The following COL23A1 variants were observed in gnomAD, a reference collection of about 807,000 sequenced individuals.
COL23A1 encodes the protein collagen type XXIII alpha 1 chain.
COL23A1 carries 97 observed loss-of-function variants against 99.3 expected under a neutral mutation model. The observed-to-expected ratio is 0.98, with a 90% confidence interval of 0.83 to 1.16. The LOEUF (loss-of-function observed/expected upper bound fraction) is 1.16, where lower values mean the gene tolerates loss of function less well. Ranked by LOEUF, COL23A1 falls within the 50% of genes most tolerant of loss-of-function variation. The pLI is 0.00. For missense variants in COL23A1, 762 were observed against 757.4 expected (o/e 1.01, Z -0.07); for synonymous variants, 320 against 308.2 (o/e 1.04, Z -0.40).
At chr5:178,538,663 C>G (rs967648090) in intron 2 of COL23A1, among the ~76,000 whole-genome samples, 1 of 152,210 alleles carries the variant, frequency 6.6e-6, no homozygotes, top group African/African-American at 2.4e-5. Context: ...TTTGGTATAT[C>G]CCTATTATTA....
intron 2 of COL23A1, among the ~76,000 whole-genome samples, chr5:178,357,202 G>A (rs1208306477): frequency 6.6e-6 from 1 of 152,234 alleles, no homozygotes; most frequent in African/African-American, 2.4e-5. Context: ...AAGTGACCTT[G>A]AGGGCGCCTG....
intron 2 of COL23A1, among the ~76,000 whole-genome samples, chr5:178,475,244 T>C (rs1455967139): frequency 6.6e-6 from 1 of 152,292 alleles, no homozygotes; most frequent in South Asian, 2.1e-4. Context: ...ACATATCTTT[T>C]GGGATATGTT....
At chr5:178,534,079 C>T (rs1314972331) in intron 2 of COL23A1, among the ~76,000 whole-genome samples, 2 of 152,178 alleles carry the variant, frequency 1.3e-5, no homozygotes, top group Admixed American at 6.6e-5. Flanking sequence ...CCAAATTCTG[C>T]ATGCCTTAGG....
At chr5:178,547,732 A>ACACAC (rs1761733508) in intron 2 of COL23A1, among the ~76,000 whole-genome samples, 1 of 674 alleles carries the variant, frequency 1.5e-3, no homozygotes, top group African/African-American at 6.7e-3. Flanking sequence ...CCACACACCC[A>ACACAC]CCCCACACAC....
intron 2 of COL23A1, among the ~76,000 whole-genome samples, chr5:178,407,516 G>T (rs1197482252): frequency 6.6e-6 from 1 of 152,232 alleles, no homozygotes; most frequent in Non-Finnish European, 1.5e-5. Flanking sequence ...TGATGTGACA[G>T]AAATGTTGGA....
intron 2 of COL23A1, among the ~76,000 whole-genome samples, chr5:178,474,254 A>G (rs757194212): frequency 2.0e-5 from 3 of 152,174 alleles, no homozygotes; most frequent in Admixed American, 6.5e-5. Context: ...TTCTCTCATC[A>G]TTGATTTTAA....
Position 178,590,332 on chromosome 5 carries a change from A to G in COL23A1, c.-135T>C. ...GGGGTTAGCCTCCGGGTAGCAGCGG[A>G]TCGCCGCGCACGCCCCCTTCGCCGC... On this transcript the variant is annotated 5_prime_UTR_variant, in exon 1 of 29. Coordinates refer to ENST00000390654, the MANE Select transcript of COL23A1 (RefSeq NM_173465.4). This position sits in a 1 kb window ranked among gnomAD's most constrained non-coding sequence, Gnocchi z 5.7. The G allele has an allele frequency of 2.6e-6, 2 of 768,876 alleles. No individual in the cohort carries two copies. The highest frequency in any genetic ancestry group is 3.4e-6 in the Non-Finnish European group (2 of 587,920). 47.6% of individuals were successfully genotyped at this position (768,876 alleles called of 1,614,324 possible).
In COL23A1 at chr5:178,313,858, G is replaced by A. The variant is rs1561852890; in HGVS notation, c.362-6939C>T. On this transcript the variant is annotated intron_variant, in intron 2 of 28. Transcript: ENST00000390654. This position sits in a 1 kb window ranked among gnomAD's most constrained non-coding sequence, Gnocchi z 4.2. ...TGCACCTTGAGCAGAGAAGGCAAGC[G>A]AGGTCCCTGGAAAAGAGCTTCCGAG... Among the ~76,000 whole-genome samples, 2 of 152,210 alleles carry A rather than the reference G, an allele frequency of 1.3e-5. No homozygotes were observed. Among genetic ancestry groups the A allele is most frequent in the South Asian group, 2.1e-4 (1 of 4,818 alleles).
rs766965888 is a variant in COL23A1, at chr5:178,537,407, G to A, written c.361+23275C>T. 7.9e-5 allele frequency among the ~76,000 whole-genome samples: 12 copies of A among 152,370 alleles called. No homozygotes were observed. In the South Asian group the frequency reaches 1.2e-3, roughly 16 times the overall value. On this transcript the variant is annotated intron_variant, in intron 2 of 28. Transcript: ENST00000390654. ...GCTCACAGATGGGGAAACCGAGGCC[G>A]GGTGGGGCTGGGTGAAGGGCAAGCG...
At chr5:178,562,059 C>T (rs1163706420) in intron 1 of COL23A1, 7 of 531,446 alleles carry the variant, frequency 1.3e-5, no homozygotes, top group Non-Finnish European at 2.2e-5. Flanking sequence ...TGGTTCCTGC[C>T]GGTGGGTTCG....
intron 2 of COL23A1, among the ~76,000 whole-genome samples, chr5:178,464,128 C>T (rs628803): frequency 0.028 from 4,204 of 152,278 alleles, 224 homozygotes; most frequent in African/African-American, 0.096. Context: ...AGTGCATCCG[C>T]GATACCTTGT....
chr5:178,586,003 G>A lies in COL23A1; in HGVS notation c.294+3901C>T, dbSNP rs146349985. 5.4e-3 allele frequency among the ~76,000 whole-genome samples: 816 copies of A among 152,264 alleles called. 6 individuals are homozygous for A. The highest frequency in any genetic ancestry group is 0.018 in the African/African-American group (741 of 41,544). On this transcript the variant is annotated intron_variant, in intron 1 of 28. Coordinates refer to ENST00000390654, the MANE Select transcript of COL23A1 (RefSeq NM_173465.4). Reference sequence around the variant, plus strand: ...AAAGAGACAACCTCTCAAGAAGACCGCTCTCTTCCCTGCCCCCTTCCCTTC... The same window carrying A: ...AAAGAGACAACCTCTCAAGAAGACCACTCTCTTCCCTGCCCCCTTCCCTTC...
At chr5:178,548,876 T>C (rs1029525006) in intron 2 of COL23A1, among the ~76,000 whole-genome samples, 3 of 152,200 alleles carry the variant, frequency 2.0e-5, no homozygotes, top group African/African-American at 7.2e-5. Flanking sequence ...TAAAAATAAA[T>C]GTCTATCAGC....
Position 178,281,351 on chromosome 5 carries a change from C to T in COL23A1, c.441+6973G>A, listed in dbSNP as rs936496551. On this transcript the variant is annotated intron_variant, in intron 5 of 28. Transcript: ENST00000390654. This position sits in a 1 kb window ranked among gnomAD's most constrained non-coding sequence, Gnocchi z 4.0. ...CTTGTTCACTTGATTAATTCCAAAC[C>T]GTCCATCCGAGTCCTTCATTTCAAA... 6.6e-5 allele frequency among the ~76,000 whole-genome samples: 10 copies of T among 152,118 alleles called. No homozygotes were observed. Among genetic ancestry groups the T allele is most frequent in the Non-Finnish European group, 1.5e-4 (10 of 68,016 alleles).
intron 2 of COL23A1, among the ~76,000 whole-genome samples, chr5:178,421,693 A>C (rs1352824460): frequency 1.3e-5 from 2 of 152,108 alleles, no homozygotes; most frequent in East Asian, 3.9e-4. Context: ...ACATGGTGAA[A>C]CCCGTCTCTA....
intron 2 of COL23A1, among the ~76,000 whole-genome samples, chr5:178,441,065 T>A (rs1189332938): frequency 6.6e-6 from 1 of 152,220 alleles, no homozygotes; most frequent in African/African-American, 2.4e-5. Context: ...GTGCTCTGTT[T>A]CTCTCTGTAT....
chr5:178,403,173 C>T (rs1412830712), intron 2 of COL23A1, among the ~76,000 whole-genome samples: 1 of 149,204 alleles, frequency 6.7e-6, no homozygotes, highest in Non-Finnish European at 1.5e-5. Context: ...ACAAGTCAGA[C>T]ACATATCAAA....
chr5:178,467,138 G>T (rs1220348222), intron 2 of COL23A1, among the ~76,000 whole-genome samples: 2 of 152,218 alleles, frequency 1.3e-5, no homozygotes, highest in African/African-American at 2.4e-5. Context: ...CTGAGCTGGG[G>T]TCCTTCTTTT....
In COL23A1 at chr5:178,250,096, C is replaced by A; in HGVS notation, c.1024G>T (p.Gly342Ter). 1.2e-6 allele frequency: 2 copies of A among 1,614,158 alleles called. No individual in the cohort carries two copies. The highest frequency in any genetic ancestry group is 1.7e-6 in the Non-Finnish European group (2 of 1,180,020). Residue 342 changes from glycine to a stop codon, truncating the protein, a stop_gained, in exon 18 of 29, where the codon GGA becomes TGA. Transcript: ENST00000390654. LOFTEE classifies it high-confidence loss of function. ...TCGATTCCTGGGGCACCGGGCAATC[C>A]AAGCTCGCCCTGGAAGGGAAGAGAT... ...PGIPGAKGELGLPGAPGIDGE... is the reference protein window; with the variant it reads ...PGIPGAKGEL
Sources: gnomAD v4.1 joint callset for allele counts (sites outside exome capture counted in the v4.1 genomes callset) on GRCh38, gnomAD v4.1.1 for gene constraint, Gnocchi (gnomAD v3.1) non-coding constraint, MANE v1.5 for transcripts, NCBI Gene and HGNC (gene_info 2026-07-23, HGNC 2026-07-21) for gene names.